SNRPN: variants seen among roughly 807,000 people sequenced by gnomAD.
SNRPN encodes the protein small nuclear ribonucleoprotein polypeptide N, also known as small nuclear ribonucleoprotein-associated protein N.
Under a neutral mutation model 25.2 loss-of-function variants are expected in SNRPN, and 7 were observed. The observed-to-expected ratio is 0.28, with a 90% CI of 0.16 to 0.52. SNRPN has a LOEUF of 0.52. Among genes scored for constraint, SNRPN ranks in the 20% least tolerant of loss-of-function variants. The pLI is 0.96. For synonymous variants in SNRPN, 124 were observed against 110.6 expected (o/e 1.12, Z -0.76); for missense variants, 196 against 322.5 (o/e 0.61, Z 3.00).
rs774128917 is a variant in SNRPN at position 24,976,330 on chromosome 15, C to T, written c.181C>T (p.Arg61Cys). ...GCCAAAGAATGCGAAGCAACCAGAG[C>T]GTGAAGAAAAGCGGGTTTTGGGTCT... Reference protein sequence around the residue: ...IKPKNAKQPEREEKRVLGLVL... With the variant: ...IKPKNAKQPECEEKRVLGLVL... Residue 61 changes from arginine to cysteine, a missense_variant, in exon 6 of 10, where the codon CGT (arginine) becomes TGT (cysteine). Coordinates refer to ENST00000390687, the MANE Select transcript of SNRPN (RefSeq NM_003097.6). 1 of 1,613,440 alleles carries T rather than the reference C, an allele frequency of 6.2e-7. No homozygotes were observed. Among genetic ancestry groups the T allele is most frequent in the Non-Finnish European group, 8.5e-7 (1 of 1,179,836 alleles).
chr15:24,932,994 G>A (rs1467386518), intron 3 of SNRPN, among the ~76,000 whole-genome samples: 1 of 152,160 alleles, frequency 6.6e-6, no homozygotes, highest in African/African-American at 2.4e-5. Flanking sequence ...TGGGCATGGA[G>A]CTCATGCATG....
chr15:24,932,124 C>T (rs1441135915), intron 3 of SNRPN, among the ~76,000 whole-genome samples: 1 of 152,106 alleles, frequency 6.6e-6, no homozygotes, highest in Non-Finnish European at 1.5e-5. Flanking sequence ...TCACTTTTTT[C>T]AGGCAGGCTA....
chr15:24,830,735 C>T (rs911249958), intron 2 of SNRPN, among the ~76,000 whole-genome samples: 1 of 151,994 alleles, frequency 6.6e-6, no homozygotes, highest in African/African-American at 2.4e-5. Context: ...TTTTGCAATT[C>T]ACCAGTTTTT....
chr15:24,916,338 G>C lies in SNRPN; in HGVS notation c.-504-3673G>C, dbSNP rs376289645. On this transcript the variant is annotated intron_variant, in intron 2 of 11. Transcript: ENST00000400097. ...AAATTTAAAAACTTAGGGGAAAGTGGGGGGAGAGAGAGACAAAGACAGAGA... is the reference window on the plus strand; with the variant it reads ...AAATTTAAAAACTTAGGGGAAAGTGCGGGGAGAGAGAGACAAAGACAGAGA... 2.0e-4 allele frequency among the ~76,000 whole-genome samples: 30 copies of C among 152,180 alleles called. 2 individuals carry two copies. The highest frequency in any genetic ancestry group is 3.4e-3 in the Middle Eastern group (1 of 294).
At chr15:24,965,617 T>C (rs1260570836) in intron 2 of SNRPN, among the ~76,000 whole-genome samples, 2 of 152,178 alleles carry the variant, frequency 1.3e-5, no homozygotes, top group African/African-American at 4.8e-5. Flanking sequence ...CTAAATTAGC[T>C]CTTATTCTTT....
At chr15:24,845,787 G>A (rs2052142607) in intron 2 of SNRPN, among the ~76,000 whole-genome samples, 1 of 151,988 alleles carries the variant, frequency 6.6e-6, no homozygotes, top group Non-Finnish European at 1.5e-5. Flanking sequence ...AGATAAATAT[G>A]TAAGAATTGA....
At chr15:24,923,308 A>G (rs2060147250) in intron 3 of SNRPN, among the ~76,000 whole-genome samples, 1 of 152,180 alleles carries the variant, frequency 6.6e-6, no homozygotes, top group African/African-American at 2.4e-5. Context: ...CCTGATTTAT[A>G]TAGGTACACA....
intron 1 of SNRPN, among the ~76,000 whole-genome samples, chr15:24,878,558 C>G (rs1178559856): frequency 6.6e-6 from 1 of 152,210 alleles, no homozygotes; most frequent in African/African-American, 2.4e-5. Context: ...CTGCGTTTTA[C>G]TCGTAAAAAT....
intron 1 of SNRPN, among the ~76,000 whole-genome samples, chr15:24,866,464 C>T (rs2054582497): frequency 6.6e-6 from 1 of 152,120 alleles, no homozygotes; most frequent in African/African-American, 2.4e-5. Context: ...GTGGTTTGAT[C>T]ACAGCTCACT....
chr15:24,828,820 C>T (rs974026775), intron 1 of SNRPN, among the ~76,000 whole-genome samples: 16 of 152,034 alleles, frequency 1.1e-4, no homozygotes, highest in Admixed American at 6.6e-4. Flanking sequence ...AAAAATTGTT[C>T]GTTTAAAAGG....
upstream of SNRPN, among the ~76,000 whole-genome samples, chr15:24,950,262 C>T (rs1358006295): frequency 4.6e-5 from 7 of 151,940 alleles, no homozygotes; most frequent in African/African-American, 1.7e-4. Context: ...CTGCAACCTC[C>T]GCCTCCTGGG....
chr15:24,964,901 ATAACT>A (rs1173108373), intron 2 of SNRPN, among the ~76,000 whole-genome samples: 1 of 152,200 alleles, frequency 6.6e-6, no homozygotes, highest in Non-Finnish European at 1.5e-5. Flanking sequence ...TGAAGAAGAA[ATAACT>A]TGAGTTTTTC....
chr15:24,908,575 G>A lies in SNRPN; in HGVS notation c.-504-11436G>A, dbSNP rs74643263. ...GAGGAAAAGCCATCCTTGTTACAAA[G>A]TGGCAGAGGATTTGTTCCTGGAAAG... On this transcript the variant is annotated intron_variant, in intron 2 of 11. Coordinates refer to the SNRPN transcript ENST00000400097. Among the ~76,000 whole-genome samples, 174 of 135,158 alleles carry A rather than the reference G, an allele frequency of 1.3e-3. 1 individual carries two copies. Among genetic ancestry groups the A allele is most frequent in the African/African-American group, 4.8e-3 (167 of 34,676 alleles). The allele number at this position is 135,158 out of a possible 152,430, so 88.7% of individuals were successfully genotyped here.
At chr15:24,964,513 C>T (rs1193403446) in intron 2 of SNRPN, among the ~76,000 whole-genome samples, 5 of 152,070 alleles carry the variant, frequency 3.3e-5, no homozygotes, top group Non-Finnish European at 4.4e-5. Flanking sequence ...AGGCTGGGCT[C>T]GAACTCCCGA....
At chr15:24,977,630 C>T in intron 7 of SNRPN, 148 bp from the exon 8 acceptor site, 1 of 773,664 alleles carries the variant, frequency 1.3e-6, no homozygotes, top group Non-Finnish European at 1.9e-6. Flanking sequence ...AAGAGTGAAA[C>T]TGTCTCAAAA....
intron 3 of SNRPN, among the ~76,000 whole-genome samples, chr15:24,940,582 A>G (rs1043440234): frequency 6.6e-6 from 1 of 152,160 alleles, no homozygotes; most frequent in African/African-American, 2.4e-5. Flanking sequence ...TTTTTAAAAA[A>G]TATTTTTAGT....
At chr15:24,937,522 A>C (rs1215317667) in intron 3 of SNRPN, among the ~76,000 whole-genome samples, 1 of 152,142 alleles carries the variant, frequency 6.6e-6, no homozygotes, top group Non-Finnish European at 1.5e-5. Context: ...GACTGTCTCT[A>C]AAAATTTTTT....
At chr15:24,977,741 T>C in intron 7 of SNRPN, 37 bp from the exon 8 acceptor site, 1 of 1,547,548 alleles carries the variant, frequency 6.5e-7, no homozygotes, top group South Asian at 1.2e-5. Flanking sequence ...TGTGAAGGTT[T>C]GCATCGCTTT....
At position 24,977,064 on chromosome 15, in the gene SNRPN, A is replaced by G. The variant is rs754982764; in HGVS notation, c.420+35A>G. On this transcript the variant is annotated intron_variant, in intron 7 of 9. Transcript: ENST00000390687. ...CAGCAGAGGGTTTTATATTATTGGGAGAATATGACTAAGCCGGAGGCCGAG... is the reference window on the plus strand; with the variant it reads ...CAGCAGAGGGTTTTATATTATTGGGGGAATATGACTAAGCCGGAGGCCGAG... The G allele has an allele frequency of 8.0e-6, 12 of 1,508,424 alleles. No homozygotes were observed. In the East Asian group the frequency reaches 2.8e-4, roughly 35 times the overall value. The allele number at this position is 1,508,424 out of a possible 1,614,324, so 93.4% of individuals were successfully genotyped here.
Sources: allele counts gnomAD v4.1 joint callset (sites outside exome capture counted in the v4.1 genomes callset), GRCh38; gene constraint gnomAD v4.1.1; transcripts MANE v1.5; gene names NCBI Gene and HGNC (gene_info 2026-07-23, HGNC 2026-07-21).